KLF15: variants seen among roughly 807,000 people sequenced by gnomAD.
KLF15 encodes KLF transcription factor 15.
KLF15 carries 4 observed loss-of-function variants against 24.6 expected under a neutral mutation model. The observed-to-expected ratio is 0.16, with a 90% CI of 0.08 to 0.37. The LOEUF is 0.37. KLF15 is among the 10% of genes least tolerant of loss of function. The pLI, the probability that KLF15 is intolerant of heterozygous loss-of-function variation, is 1.00. For synonymous variants in KLF15, 246 were observed against 236.3 expected (o/e 1.04, Z -0.37); for missense variants, 496 against 560.6 (o/e 0.88, Z 1.16).
At chr3:126,332,165 G>C in the KLF15 span, among the ~76,000 whole-genome samples, 17 of 152,186 alleles carry the variant, frequency 1.1e-4, no homozygotes, top group African/African-American at 4.1e-4. Context: ...AGACTTAAGT[G>C]TCCCTGTCTG....
rs770466254 is a variant in KLF15, at chr3:126,352,522, G to A, written c.401C>T (p.Pro134Leu). ...CTCCAGGGTAGGCTGGAAGGGCCGT[G>A]GGACGTCATCAGGATCACCCAAAGG... ...EFPLGDPDDV[P>L]RPFQPTLEEI... is the part of the protein sequence containing the mutation. Residue 134 changes from proline (P) to leucine (L), a missense_variant, in exon 2 of 3, where the codon CCA becomes CTA. Coordinates refer to ENST00000296233, the MANE Select transcript of KLF15 (RefSeq NM_014079.4). 6.2e-6 allele frequency: 10 copies of A among 1,613,028 alleles called. No individual in the cohort carries two copies. In the African/African-American group the frequency reaches 1.1e-4, roughly 17 times the overall value.
chr3:126,309,819 G>A, the KLF15 span, among the ~76,000 whole-genome samples: 3 of 152,194 alleles, frequency 2.0e-5, no homozygotes, highest in African/African-American at 7.2e-5. Flanking sequence ...ACGTCAGGAA[G>A]TGCTCAGAGA....
At chr3:126,291,197 A>G in the KLF15 span, 11 of 152,378 alleles carry the variant, frequency 7.2e-5, no homozygotes, top group African/African-American at 2.6e-4. Context: ...ACCTACTTAC[A>G]AGGAAATGAA....
Position 126,343,736 on chromosome 3 carries a change from G to C in KLF15, c.1242C>G (p.Ser414=), listed in dbSNP as rs752726862. ...GGGGTTCAGGGCGCTTTCAGTTCAC[G>C]GAGCGCACGGAGCGGCTGCTCCGCG... The part of the protein sequence containing the change: ...RFPRSSRSVR[S]VN The change falls in exon 3 of 3, where the codon TCC becomes TCG. Residue 414 remains serine, a synonymous_variant. Coordinates refer to ENST00000296233, the MANE Select transcript of KLF15 (RefSeq NM_014079.4). 5.0e-6 allele frequency: 8 copies of C among 1,611,040 alleles called. No homozygotes were observed. Among genetic ancestry groups the C allele is most frequent in the South Asian group, 2.2e-5 (2 of 90,766 alleles).
At chr3:126,291,946 G>A in the KLF15 span, among the ~76,000 whole-genome samples, 3 of 152,174 alleles carry the variant, frequency 2.0e-5, no homozygotes, top group Non-Finnish European at 2.9e-5. Flanking sequence ...CTCAACAAAT[G>A]CCATCCCTTT....
chr3:126,307,083 T>C, the KLF15 span, among the ~76,000 whole-genome samples: 1 of 152,190 alleles, frequency 6.6e-6, no homozygotes, highest in African/African-American at 2.4e-5. Context: ...TCTGGTGATG[T>C]CACCTCCTTT....
At chr3:126,315,450 T>C in the KLF15 span, among the ~76,000 whole-genome samples, 1 of 151,950 alleles carries the variant, frequency 6.6e-6, no homozygotes, top group Non-Finnish European at 1.5e-5. Flanking sequence ...GTGCCCCAGA[T>C]GGGGGAGGGG....
At chr3:126,355,143 C>CT (rs142543901) in intron 1 of KLF15, among the ~76,000 whole-genome samples, 2,652 of 152,318 alleles carry the variant, frequency 0.017, 78 homozygotes, top group African/African-American at 0.06. Context: ...AACGTGATCA[C>CT]TAACTGGCCA....
At chr3:126,295,526 C>A in the KLF15 span, among the ~76,000 whole-genome samples, 1 of 152,210 alleles carries the variant, frequency 6.6e-6, no homozygotes, top group Non-Finnish European at 1.5e-5. Context: ...ACAAAGGCAT[C>A]CACATTCGTA....
chr3:126,341,863 G>A (rs1345372348), downstream of KLF15, among the ~76,000 whole-genome samples: 2 of 152,172 alleles, frequency 1.3e-5, no homozygotes, highest in Non-Finnish European at 2.9e-5. Context: ...ATGACTGGGT[G>A]AACCAGGGCA....
In KLF15 at chr3:126,343,724, C is replaced by G. The variant is rs923508891; in HGVS notation, c.*3G>C. On this transcript the variant is annotated 3_prime_UTR_variant, in exon 3 of 3. Transcript: ENST00000296233. ...GACGGACAGGCTGGGGTTCAGGGCG[C>G]TTTCAGTTCACGGAGCGCACGGAGC... 3 of 1,609,408 alleles carry G rather than the reference C, an allele frequency of 1.9e-6. No individual in the cohort carries two copies. The African/African-American group carries it at 4.0e-5, about 22-fold the overall frequency.
In KLF15 at chr3:126,342,793, G is replaced by A. The variant is rs1465630672; in HGVS notation, c.*934C>T. ...ATGTTATTAAAAGATATTTTATGTGGATGGACCTATGTACAGTTTATTTAC... is the reference window on the plus strand; with the variant it reads ...ATGTTATTAAAAGATATTTTATGTGAATGGACCTATGTACAGTTTATTTAC... On this transcript the variant is annotated 3_prime_UTR_variant, in exon 3 of 3. Coordinates refer to ENST00000296233, the MANE Select transcript of KLF15 (RefSeq NM_014079.4). 1 of 152,442 alleles carries A rather than the reference G, an allele frequency of 6.6e-6. No homozygotes were observed. The highest frequency in any genetic ancestry group is 1.5e-5 in the Non-Finnish European group (1 of 68,002). The allele number at this position is 152,442 out of a possible 1,614,324, so 9.4% of individuals were successfully genotyped here.
chr3:126,316,341 TG>T, the KLF15 span, among the ~76,000 whole-genome samples: 1 of 132,652 alleles, frequency 7.5e-6, no homozygotes, highest in African/African-American at 2.9e-5. Flanking sequence ...TAGTCCAGAG[TG>T]GGGAAGGGAG....
In KLF15 at chr3:126,356,660, C is replaced by A. The variant is rs948181908; in HGVS notation, c.-26+577G>T. Among the ~76,000 whole-genome samples, 6 of 151,992 alleles carry A rather than the reference C, an allele frequency of 3.9e-5. No individual in the cohort carries two copies. Among genetic ancestry groups the A allele is most frequent in the Non-Finnish European group, 4.4e-5 (3 of 67,978 alleles). ...CGCTGTGGCTGTGCGGGAGGCTGTC[C>A]GCGAAGGACTCGCGCGTGGAGCCGC... On this transcript the variant is annotated intron_variant, in intron 1 of 2. Coordinates refer to ENST00000296233, the MANE Select transcript of KLF15 (RefSeq NM_014079.4). The surrounding 1 kb of genome is among the most constrained non-coding windows in gnomAD (Gnocchi z 4.4).
chr3:126,306,155 A>G, the KLF15 span, among the ~76,000 whole-genome samples: 1 of 152,170 alleles, frequency 6.6e-6, no homozygotes, highest in Non-Finnish European at 1.5e-5. Context: ...GGAGACAAAA[A>G]GGCCTGGGAA....
the KLF15 span, among the ~76,000 whole-genome samples, chr3:126,333,496 G>C: frequency 1.6e-5 from 2 of 126,500 alleles, no homozygotes; most frequent in East Asian, 4.6e-4. Context: ...ATCGAGACTA[G>C]GAAGAAACTG....
intron 2 of KLF15, among the ~76,000 whole-genome samples, chr3:126,344,728 G>C (rs574212100): frequency 6.6e-6 from 1 of 152,232 alleles, no homozygotes; most frequent in South Asian, 2.1e-4. Flanking sequence ...TCAGACTTGA[G>C]TCCACCCACT....
the KLF15 span, among the ~76,000 whole-genome samples, chr3:126,316,379 T>G: frequency 7.5e-6 from 1 of 133,508 alleles, no homozygotes; most frequent in Admixed American, 7.7e-5. Context: ...GAGAAGGGAG[T>G]CCACCGGCTG....
chr3:126,347,393 C>A (rs1002156906), intron 2 of KLF15, among the ~76,000 whole-genome samples: 1 of 152,130 alleles, frequency 6.6e-6, no homozygotes, highest in Admixed American at 6.5e-5. Context: ...AGGCTGGGAG[C>A]CAGACCCCTA....
Sources: gnomAD v4.1 joint callset for allele counts (sites outside exome capture counted in the v4.1 genomes callset) on GRCh38, gnomAD v4.1.1 for gene constraint, Gnocchi (gnomAD v3.1) non-coding constraint, MANE v1.5 for transcripts, NCBI Gene and HGNC (gene_info 2026-07-23, HGNC 2026-07-21) for gene names.